Variants in NELL1 observed in about 807,000 individuals in gnomAD.
NELL1 encodes the protein protein kinase C-binding protein NELL1.
NELL1 carries 76 observed loss-of-function variants against 107.4 expected under a neutral mutation model. The observed-to-expected ratio is 0.71, with a 90% CI of 0.59 to 0.86. NELL1 has a LOEUF of 0.86. Among genes scored for constraint, NELL1 ranks in the 40% least tolerant of loss-of-function variants. NELL1 has a pLI of 0.00. For missense variants in NELL1, 1,024 were observed against 1,005.5 expected (o/e 1.02, Z -0.25); for synonymous variants, 353 against 341.2 (o/e 1.03, Z -0.38).
At chr11:21,370,785 C>T in intron 14 of NELL1, 68 bp from the exon 15 acceptor site, 1 of 1,217,320 alleles carries the variant, frequency 8.2e-7, no homozygotes, top group Non-Finnish European at 1.2e-6. Flanking sequence ...CTTCAGTGCT[C>T]CTGCTGTTTA....
intron 13 of NELL1, among the ~76,000 whole-genome samples, chr11:21,212,172 A>C (rs1177072074): frequency 1.3e-5 from 2 of 152,124 alleles, no homozygotes; most frequent in African/African-American, 4.8e-5. Flanking sequence ...ATCTACCATC[A>C]TATTAATATA....
chr11:20,712,729 CA>C (rs1476493260), intron 2 of NELL1, among the ~76,000 whole-genome samples: 1 of 152,142 alleles, frequency 6.6e-6, no homozygotes, highest in Non-Finnish European at 1.5e-5. Context: ...AGCTAGACTA[CA>C]GTGATTGTTA....
intron 14 of NELL1, among the ~76,000 whole-genome samples, chr11:21,278,643 C>G (rs768779003): frequency 2.2e-4 from 33 of 151,888 alleles, no homozygotes; most frequent in Non-Finnish European, 4.3e-4. Flanking sequence ...AATCAAAGAA[C>G]TAAATAGAGA....
intron 12 of NELL1, among the ~76,000 whole-genome samples, chr11:20,973,101 C>CTTTTTTTTTTTT (rs761894107): frequency 1.1e-5 from 1 of 92,500 alleles, no homozygotes. Context: ...ATCTTCATTA[C>CTTTTTTTTTTTT]TTTTTTTTTT....
At chr11:21,455,321 T>C (rs1454162680) in intron 15 of NELL1, among the ~76,000 whole-genome samples, 18 of 3,296 alleles carry the variant, frequency 5.5e-3, no homozygotes. Flanking sequence ...TCTTTTATTC[T>C]TTTTTTTTTT....
chr11:20,761,946 G>A (rs577525398), intron 2 of NELL1, among the ~76,000 whole-genome samples: 66 of 152,306 alleles, frequency 4.3e-4, no homozygotes, highest in African/African-American at 1.6e-3. Flanking sequence ...GGACCTGGTA[G>A]CCTTTGCTAA....
At chr11:21,341,788 A>G (rs146110066) in intron 14 of NELL1, among the ~76,000 whole-genome samples, 212 of 152,346 alleles carry the variant, frequency 1.4e-3, no homozygotes, top group African/African-American at 5.0e-3. Flanking sequence ...AGAAAACTTC[A>G]CTTGAAATTT....
intron 14 of NELL1, among the ~76,000 whole-genome samples, chr11:21,248,615 G>A (rs1009225484): frequency 3.3e-5 from 5 of 152,022 alleles, no homozygotes; most frequent in Non-Finnish European, 5.9e-5. Flanking sequence ...GAGGAAACAA[G>A]GACAGCTCAA....
chr11:21,522,733 A>G lies in NELL1; in HGVS notation c.1646-11641A>G, dbSNP rs573375782. Among the ~76,000 whole-genome samples, 89 of 150,820 alleles carry G rather than the reference A, an allele frequency of 5.9e-4. 1 individual carries two copies. The highest frequency in any genetic ancestry group is 2.0e-3 in the African/African-American group (82 of 40,996). ...ATACAAAGAAAATTTTCAAATCTAT[A>G]TATTTGAGTGTTATATCTTCTTGGC... On this transcript the variant is annotated intron_variant, in intron 15 of 19. Transcript: ENST00000357134.
intron 12 of NELL1, among the ~76,000 whole-genome samples, chr11:21,023,052 T>C (rs1279639454): frequency 6.6e-6 from 1 of 152,026 alleles, no homozygotes; most frequent in Non-Finnish European, 1.5e-5. Context: ...CTGGGAAGAA[T>C]ACTCACTGAA....
chr11:21,302,557 C>G (rs1299874558), intron 14 of NELL1, among the ~76,000 whole-genome samples: 2 of 151,922 alleles, frequency 1.3e-5, no homozygotes, highest in East Asian at 3.9e-4. Flanking sequence ...CAACCCATAC[C>G]TATAATATTA....
At chr11:20,867,686 A>C (rs1214893438) in intron 4 of NELL1, among the ~76,000 whole-genome samples, 1 of 152,208 alleles carries the variant, frequency 6.6e-6, no homozygotes, top group Non-Finnish European at 1.5e-5. Flanking sequence ...TACGGTGTGC[A>C]TATGGAGGAA....
intron 12 of NELL1, among the ~76,000 whole-genome samples, chr11:20,992,777 C>T (rs966938010): frequency 1.5e-5 from 2 of 137,098 alleles, no homozygotes; most frequent in Admixed American, 8.5e-5. Context: ...TGCAATGGTG[C>T]GATCTTGGCT....
chr11:20,767,511 G>A (rs531196339), intron 2 of NELL1, among the ~76,000 whole-genome samples: 6 of 152,156 alleles, frequency 3.9e-5, no homozygotes, highest in South Asian at 4.2e-4. Context: ...GACATAGAGC[G>A]CTGATTGGTG....
chr11:20,985,663 G>T (rs11025857), intron 12 of NELL1, among the ~76,000 whole-genome samples: 9,791 of 152,210 alleles, frequency 0.064, 538 homozygotes, highest in East Asian at 0.25. Flanking sequence ...GGGGGAAGAA[G>T]ATTAGAAGAA....
intron 13 of NELL1, among the ~76,000 whole-genome samples, chr11:21,198,414 T>C (rs1048487910): frequency 2.6e-5 from 4 of 152,184 alleles, no homozygotes; most frequent in African/African-American, 7.2e-5. Context: ...AAGGTTACAC[T>C]GAAAAACAGC....
chr11:21,015,871 T>C (rs1459018138), intron 12 of NELL1, among the ~76,000 whole-genome samples: 2 of 152,112 alleles, frequency 1.3e-5, no homozygotes, highest in African/African-American at 2.4e-5. Flanking sequence ...CTGCTAATCA[T>C]CCTTGCATTG....
chr11:21,049,823 G>A (rs1342546430), intron 12 of NELL1, among the ~76,000 whole-genome samples: 2 of 152,018 alleles, frequency 1.3e-5, no homozygotes, highest in Non-Finnish European at 2.9e-5. Context: ...GACTACAGGT[G>A]CATGCCACCA....
intron 15 of NELL1, among the ~76,000 whole-genome samples, chr11:21,387,434 C>G (rs553476872): frequency 2.6e-5 from 4 of 151,938 alleles, no homozygotes; most frequent in African/African-American, 9.6e-5. Flanking sequence ...GCTCTTGGAA[C>G]AGTCCCTGGA....
Sources: gnomAD v4.1 joint callset for allele counts (sites outside exome capture counted in the v4.1 genomes callset) on GRCh38, gnomAD v4.1.1 for gene constraint, MANE v1.5 for transcripts, NCBI Gene and HGNC (gene_info 2026-07-23, HGNC 2026-07-21) for gene names.